NKIRAS1: variants seen among roughly 807,000 people sequenced by gnomAD.
NKIRAS1 encodes the protein NF-kappa-B inhibitor-interacting Ras-like protein 1.
NKIRAS1 carries 16 observed loss-of-function variants against 19.8 expected under a neutral mutation model. The ratio of observed to expected loss-of-function variants is 0.81; its 90% CI spans 0.55 to 1.23. The LOEUF is 1.23. NKIRAS1 is among the 50% of genes most tolerant of loss of function. NKIRAS1 has a pLI of 0.00. For missense variants in NKIRAS1, 184 were observed against 220.0 expected, an observed-to-expected ratio of 0.84 and a Z score of 1.04; for synonymous variants, 88 against 79.0, an observed-to-expected ratio of 1.11 and a Z score of -0.61.
chr3:23,904,568 TA>T (rs1170058664), intron 3 of NKIRAS1, among the ~76,000 whole-genome samples: 3 of 152,226 alleles, frequency 2.0e-5, no homozygotes, highest in African/African-American at 7.2e-5. Context: ...CAGTGCTTAA[TA>T]CTGTTACATT....
chr3:23,904,094 T>C lies in NKIRAS1; in HGVS notation c.95-3045A>G, dbSNP rs72627074. Reference sequence around the variant, plus strand: ...GTGGGAGAATTGCCTGAACTCAGGATGCGGAGGCTGCAGTGAGCTGAGATC... The same window carrying C: ...GTGGGAGAATTGCCTGAACTCAGGACGCGGAGGCTGCAGTGAGCTGAGATC... On this transcript the variant is annotated intron_variant, in intron 3 of 4. Transcript: ENST00000425478. Among the ~76,000 whole-genome samples the C allele has an allele frequency of 5.9e-3, 904 of 152,210 alleles. 17 individuals carry two copies. The highest frequency in any genetic ancestry group is 0.049 in the East Asian group (255 of 5,174).
chr3:23,929,148 G>A (rs566636242), intron 1 of NKIRAS1, among the ~76,000 whole-genome samples: 37 of 152,154 alleles, frequency 2.4e-4, no homozygotes, highest in African/African-American at 8.7e-4. Context: ...GACCACTTGA[G>A]GTCAGGAGTT....
chr3:23,919,701 C>A (rs1241672986), upstream of NKIRAS1: 4 of 1,381,776 alleles, frequency 2.9e-6, no homozygotes, highest in Non-Finnish European at 3.7e-6. Context: ...ACTTTTTTGT[C>A]TTTGCTTTAT....
At chr3:23,917,768 G>C (rs527936972), upstream of NKIRAS1, 3 of 1,383,650 alleles carry the variant, frequency 2.2e-6, no homozygotes, top group South Asian at 2.8e-5. Context: ...CCTTGTTTTT[G>C]TTGGGGAACT....
intron 4 of NKIRAS1, among the ~76,000 whole-genome samples, chr3:23,899,199 C>T (rs1405659244): frequency 2.6e-5 from 4 of 152,066 alleles, no homozygotes; most frequent in Non-Finnish European, 5.9e-5. Context: ...AGTGGGGCAG[C>T]TATAAAAGAG....
At chr3:23,915,032 C>CAG in intron 1 of NKIRAS1, among the ~76,000 whole-genome samples, 1 of 152,286 alleles carries the variant, frequency 6.6e-6, no homozygotes, top group Non-Finnish European at 1.5e-5. Context: ...CCTGGTCTCT[C>CAG]AAAGATATCG....
At chr3:23,930,195 G>A (rs989602215) in intron 1 of NKIRAS1, among the ~76,000 whole-genome samples, 2 of 152,176 alleles carry the variant, frequency 1.3e-5, no homozygotes, top group African/African-American at 4.8e-5. Flanking sequence ...ATCCTGGGGG[G>A]TATTTGCTGA....
chr3:23,900,871 A>G lies in NKIRAS1; in HGVS notation c.273T>C (p.Leu91=). The G allele has an allele frequency of 6.2e-7, 1 of 1,614,022 alleles. No individual in the cohort carries two copies. The highest frequency in any genetic ancestry group is 2.2e-5 in the East Asian group (1 of 44,874). The part of the protein sequence containing the change: ...GFVLVYSVNN[L]ESFQRVELLK... ...GAAGCTCCACTCTTTGAAAGGATTC[A>G]AGGTTATTCACACTGTACACAAGAA... The change falls in exon 4 of 5, where the codon CTT becomes CTC. Residue 91 remains leucine (L), a synonymous_variant. Coordinates refer to ENST00000425478, the MANE Select transcript of NKIRAS1 (RefSeq NM_020345.4).
At chr3:23,903,008 C>A (rs1202765818) in intron 3 of NKIRAS1, among the ~76,000 whole-genome samples, 1 of 152,236 alleles carries the variant, frequency 6.6e-6, no homozygotes, top group African/African-American at 2.4e-5. Context: ...CCTAAATATA[C>A]TGACATCTAG....
chr3:23,905,411 A>G (rs2125395885), intron 3 of NKIRAS1, among the ~76,000 whole-genome samples: 1 of 152,314 alleles, frequency 6.6e-6, no homozygotes, highest in East Asian at 1.9e-4. Context: ...CATATATGCA[A>G]TGCTTTCAAA....
At chr3:23,920,293 T>G (rs1705003219), upstream of NKIRAS1, 2 of 985,674 alleles carry the variant, frequency 2.0e-6, no homozygotes, top group Admixed American at 1.2e-4. Context: ...TATAAGTACG[T>G]CATTCTTAGT....
intron 1 of NKIRAS1, among the ~76,000 whole-genome samples, chr3:23,943,497 C>T (rs1195977232): frequency 6.6e-6 from 1 of 152,252 alleles, no homozygotes; most frequent in Non-Finnish European, 1.5e-5. Flanking sequence ...TCCCAAAGTG[C>T]TGGGATTACA....
chr3:23,910,730 C>T, intron 3 of NKIRAS1, 81 bp downstream of exon 3: 1 of 962,866 alleles, frequency 1.0e-6, no homozygotes, highest in Non-Finnish European at 1.7e-6. Context: ...TACCATCAAC[C>T]ACCTTTAGTT....
chr3:23,917,737 C>A (rs888457248), upstream of NKIRAS1: 2 of 1,095,270 alleles, frequency 1.8e-6, no homozygotes, highest in Admixed American at 2.7e-5. Context: ...GGTGCAGAGC[C>A]ATTTTCATTC....
At chr3:23,906,158 C>CCAAA (rs1703031735) in intron 3 of NKIRAS1, among the ~76,000 whole-genome samples, 1 of 98,842 alleles carries the variant, frequency 1.0e-5, no homozygotes, top group Admixed American at 1.2e-4. Context: ...GACTCCGTCT[C>CCAAA]AAAAAAAAAA....
chr3:23,928,689 TAAA>T (rs10715656), intron 1 of NKIRAS1, among the ~76,000 whole-genome samples: 29 of 116,820 alleles, frequency 2.5e-4, no homozygotes, highest in Middle Eastern at 4.4e-3. Context: ...GATTTAGGCT[TAAA>T]AAAAAAAAAA....
upstream of NKIRAS1, chr3:23,918,134 A>C: frequency 7.1e-7 from 1 of 1,412,976 alleles, no homozygotes; most frequent in Non-Finnish European, 9.5e-7. Flanking sequence ...TTCTTCGCAT[A>C]GGGCTTTGGC....
Position 23,891,706 on chromosome 3 carries a change from T to G in NKIRAS1, c.*1389A>C, listed in dbSNP as rs992546361. ...TATGTCTCTTTCAGAGAAACTTATC[T>G]GGATACACATACATTCATTACAGAA... On this transcript the variant is annotated 3_prime_UTR_variant, in exon 5 of 5. Transcript: ENST00000425478. 2 of 152,222 alleles carry G rather than the reference T, an allele frequency of 1.3e-5. No individual in the cohort carries two copies. Among genetic ancestry groups the G allele is most frequent in the African/African-American group, 2.4e-5 (1 of 41,454 alleles). The allele number at this position is 152,222 out of a possible 1,614,324, so 9.4% of individuals were successfully genotyped here.
chr3:23,919,015 T>C (rs1255224211), upstream of NKIRAS1: 2 of 607,632 alleles, frequency 3.3e-6, no homozygotes, highest in Non-Finnish European at 5.8e-6. Context: ...GTGTGTTGTT[T>C]TAGCAAGTCT....
Sources: gnomAD v4.1 joint callset for allele counts (sites outside exome capture counted in the v4.1 genomes callset) on GRCh38, gnomAD v4.1.1 for gene constraint, MANE v1.5 for transcripts, NCBI Gene and HGNC (gene_info 2026-07-23, HGNC 2026-07-21) for gene names.